Variants in KCND2 observed in about 807,000 individuals in gnomAD.
The protein encoded by KCND2 is potassium voltage-gated channel subfamily D member 2.
KCND2 carries 16 observed loss-of-function variants against 54.4 expected under a neutral mutation model. That is an observed-to-expected ratio of 0.29 (90% CI 0.20 to 0.45). KCND2 has a LOEUF of 0.45. Ranked by LOEUF, KCND2 falls within the 20% of genes least tolerant of loss-of-function variation. The pLI is 1.00. For missense variants in KCND2, 486 were observed against 824.2 expected, an observed-to-expected ratio of 0.59 and a Z score of 5.02; for synonymous variants, 317 against 310.7, an observed-to-expected ratio of 1.02 and a Z score of -0.21.
chr7:120,703,831 C>T (rs1287999436), intron 1 of KCND2, among the ~76,000 whole-genome samples: 1 of 152,156 alleles, frequency 6.6e-6, no homozygotes. Flanking sequence ...TGGCACAAAG[C>T]CAGATGAAAA....
At chr7:120,308,677 G>A (rs752498954) in intron 1 of KCND2, among the ~76,000 whole-genome samples, 1 of 152,130 alleles carries the variant, frequency 6.6e-6, no homozygotes, top group African/African-American at 2.4e-5. Context: ...TCATTAAAAA[G>A]TCATATTGGT....
chr7:120,419,384 C>T (rs1801575645), intron 1 of KCND2, among the ~76,000 whole-genome samples: 1 of 152,028 alleles, frequency 6.6e-6, no homozygotes, highest in South Asian at 2.1e-4. Flanking sequence ...AAAGAAAATC[C>T]TTTGTCTATG....
chr7:120,647,979 C>T (rs1793463290), intron 1 of KCND2, among the ~76,000 whole-genome samples: 3 of 152,062 alleles, frequency 2.0e-5, no homozygotes, highest in Admixed American at 2.0e-4. Context: ...GTCGGCATGT[C>T]TAAGTACAGT....
Position 120,275,622 on chromosome 7 carries a change from G to C in KCND2, c.990G>C (p.Ser330=). The change falls in exon 1 of 6, where the codon TCG becomes TCC. Residue 330 remains serine, a synonymous_variant. Coordinates refer to ENST00000331113, the MANE Select transcript of KCND2 (RefSeq NM_012281.3). Reference sequence around the variant, plus strand: ...CAGAATTGGGCTTCTTGCTTTTCTCGCTCACCATGGCTATCATCATCTTCG... The same window carrying C: ...CAGAATTGGGCTTCTTGCTTTTCTCCCTCACCATGGCTATCATCATCTTCG... ...CASELGFLLF[S]LTMAIIIFAT... is the part of the protein sequence containing the mutation. 2 of 1,610,160 alleles carry C rather than the reference G, an allele frequency of 1.2e-6. No homozygotes were observed. The highest frequency in any genetic ancestry group is 1.1e-5 in the South Asian group (1 of 91,068).
chr7:120,304,394 A>G (rs1287365560), intron 1 of KCND2, among the ~76,000 whole-genome samples: 3 of 152,216 alleles, frequency 2.0e-5, no homozygotes, highest in South Asian at 2.1e-4. Flanking sequence ...AAACTGAATT[A>G]CATAAGATTT....
chr7:120,576,272 C>T, intron 1 of KCND2, among the ~76,000 whole-genome samples: 1 of 152,094 alleles, frequency 6.6e-6, no homozygotes, highest in East Asian at 1.9e-4. Context: ...GTACTAACAC[C>T]AGCAATTAAA....
chr7:120,275,988 A>G (rs957822048), intron 1 of KCND2, among the ~76,000 whole-genome samples: 2 of 152,182 alleles, frequency 1.3e-5, no homozygotes, highest in African/African-American at 4.8e-5. Flanking sequence ...ATACAAAGAA[A>G]TTTTAGAATT....
chr7:120,331,407 T>A lies in KCND2; in HGVS notation c.1115+55660T>A, dbSNP rs139754049. On this transcript the variant is annotated intron_variant, in intron 1 of 5. Transcript: ENST00000331113. ...AAAAACAAATTCTTTTTAATTTTGA[T>A]GTTTGTACATTTTTACCTAGGTAGT... Among the ~76,000 whole-genome samples, 43 of 152,222 alleles carry A rather than the reference T, an allele frequency of 2.8e-4. 1 individual carries two copies. The East Asian group carries it at 3.3e-3, about 12-fold the overall frequency.
intron 1 of KCND2, among the ~76,000 whole-genome samples, chr7:120,415,840 T>C (rs1304820643): frequency 6.6e-6 from 1 of 152,174 alleles, no homozygotes; most frequent in Admixed American, 6.5e-5. Context: ...AGTCCAAAGC[T>C]ACACAATACT....
intron 1 of KCND2, among the ~76,000 whole-genome samples, chr7:120,494,857 A>G (rs1454934498): frequency 1.3e-5 from 2 of 152,198 alleles, no homozygotes; most frequent in South Asian, 2.1e-4. Flanking sequence ...AAATCAGTAT[A>G]TCAAATAGGA....
At chr7:120,446,549 CACACACACACACACAT>C (rs993143711) in intron 1 of KCND2, among the ~76,000 whole-genome samples, 1 of 134,350 alleles carries the variant, frequency 7.4e-6, no homozygotes, top group African/African-American at 3.4e-5. Context: ...ATTATAAACA[CACACACACACACACAT>C]ACACATACAC....
intron 2 of KCND2, among the ~76,000 whole-genome samples, chr7:120,737,958 G>A (rs1465474869): frequency 6.6e-6 from 1 of 151,854 alleles, no homozygotes. Flanking sequence ...AGAAATGACT[G>A]ACCATTTAAA....
At chr7:120,495,112 A>G (rs898568266) in intron 1 of KCND2, among the ~76,000 whole-genome samples, 1 of 152,210 alleles carries the variant, frequency 6.6e-6, no homozygotes, top group Non-Finnish European at 1.5e-5. Context: ...CAAATCTTTA[A>G]AAGATGTAAG....
chr7:120,592,136 T>C (rs1222984223), intron 1 of KCND2, among the ~76,000 whole-genome samples: 2 of 152,232 alleles, frequency 1.3e-5, no homozygotes. Flanking sequence ...TTGTGCTGTC[T>C]AGTATGTTTA....
At chr7:120,688,865 A>G (rs1181788643) in intron 1 of KCND2, among the ~76,000 whole-genome samples, 1 of 152,194 alleles carries the variant, frequency 6.6e-6, no homozygotes, top group Non-Finnish European at 1.5e-5. Flanking sequence ...AGTATCAAAA[A>G]TGATCTCCTT....
At chr7:120,709,869 G>A (rs764951996) in intron 1 of KCND2, among the ~76,000 whole-genome samples, 1 of 152,104 alleles carries the variant, frequency 6.6e-6, no homozygotes, top group Non-Finnish European at 1.5e-5. Flanking sequence ...AATTGCAAAT[G>A]GGGCACCAAG....
At chr7:120,656,562 A>C (rs1411882002) in intron 1 of KCND2, among the ~76,000 whole-genome samples, 2 of 152,216 alleles carry the variant, frequency 1.3e-5, no homozygotes, top group African/African-American at 4.8e-5. Context: ...TGTTTTAATA[A>C]GGTCATGAAT....
intron 1 of KCND2, among the ~76,000 whole-genome samples, chr7:120,541,281 T>C (rs1791976637): frequency 6.6e-6 from 1 of 152,156 alleles, no homozygotes; most frequent in Non-Finnish European, 1.5e-5. Flanking sequence ...ACTACTGCTA[T>C]ATAATAGATC....
intron 1 of KCND2, chr7:120,672,913 A>G (rs1792010692): frequency 6.6e-6 from 1 of 152,130 alleles, no homozygotes; most frequent in Admixed American, 6.5e-5. Flanking sequence ...AAGGATACAT[A>G]AAAGATTAGC....
Sources: gnomAD v4.1 joint callset for allele counts (sites outside exome capture counted in the v4.1 genomes callset) on GRCh38, gnomAD v4.1.1 for gene constraint, MANE v1.5 for transcripts, NCBI Gene and HGNC (gene_info 2026-07-23, HGNC 2026-07-21) for gene names.